The following PBLD variants were observed in gnomAD, a reference collection of about 807,000 sequenced individuals.
The protein encoded by PBLD is phenazine biosynthesis-like domain-containing protein.
PBLD carries 26 observed loss-of-function variants against 31.3 expected under a neutral mutation model. The ratio of observed to expected loss-of-function variants is 0.83; its 90% confidence interval spans 0.61 to 1.15. The LOEUF (loss-of-function observed/expected upper bound fraction) is 1.15, where lower values mean the gene tolerates loss of function less well. PBLD is among the 50% of genes most tolerant of loss of function. PBLD has a pLI of 0.00. For synonymous variants in PBLD, 114 were observed against 129.0 expected (o/e 0.88, Z 0.79); for missense variants, 307 against 351.7 (o/e 0.87, Z 1.02).
intron 4 of PBLD, 116 bp from the exon 5 acceptor site, chr10:68,292,354 T>C (rs905976804): frequency 2.3e-6 from 2 of 879,708 alleles, no homozygotes; most frequent in East Asian, 2.5e-5. Flanking sequence ...TTTTCTATGA[T>C]GGAGCGAGGT....
At chr10:68,319,103 GAAA>G (rs2044790016) in intron 1 of PBLD, among the ~76,000 whole-genome samples, 2 of 121,586 alleles carry the variant, frequency 1.6e-5, no homozygotes, top group Admixed American at 8.7e-5. Flanking sequence ...AAGAAAGAAA[GAAA>G]GAAAGGAAAA....
intron 5 of PBLD, 39 bp downstream of exon 5, chr10:68,292,090 G>C: frequency 6.2e-7 from 1 of 1,600,966 alleles, no homozygotes; most frequent in Non-Finnish European, 8.6e-7. Flanking sequence ...AGAGCTGTCG[G>C]TTGTAGATGG....
intron 1 of PBLD, among the ~76,000 whole-genome samples, chr10:68,324,007 C>T (rs2044875035): frequency 6.6e-6 from 1 of 152,184 alleles, no homozygotes; most frequent in Admixed American, 6.5e-5. Context: ...AATCAACACA[C>T]CCGATATTCC....
chr10:68,317,047 G>T (rs1449318897), intron 1 of PBLD, among the ~76,000 whole-genome samples: 1 of 152,054 alleles, frequency 6.6e-6, no homozygotes, highest in African/African-American at 2.4e-5. Flanking sequence ...CTTGAAACCA[G>T]CAAGAGAGAC....
chr10:68,308,069 G>C (rs2044607624), intron 1 of PBLD, among the ~76,000 whole-genome samples: 1 of 151,970 alleles, frequency 6.6e-6, no homozygotes, highest in South Asian at 2.1e-4. Context: ...ATAGATCCCA[G>C]GACCCCCTGA....
At chr10:68,292,355 G>T in intron 4 of PBLD, 117 bp from the exon 5 acceptor site, 1 of 878,222 alleles carries the variant, frequency 1.1e-6, no homozygotes, top group East Asian at 2.5e-5. Flanking sequence ...TTTCTATGAT[G>T]GAGCGAGGTT....
intron 2 of PBLD, among the ~76,000 whole-genome samples, chr10:68,303,110 G>C (rs1188546617): frequency 2.0e-5 from 3 of 151,730 alleles, no homozygotes; most frequent in African/African-American, 7.3e-5. Context: ...GTTTCACTCT[G>C]TCGCCCAGGC....
chr10:68,300,216 CAGAA>C (rs1401168336), intron 2 of PBLD, among the ~76,000 whole-genome samples: 2 of 152,006 alleles, frequency 1.3e-5, no homozygotes, highest in African/African-American at 2.4e-5. Flanking sequence ...CTGAAAGAAA[CAGAA>C]AGAGAGAGAG....
intron 1 of PBLD, among the ~76,000 whole-genome samples, chr10:68,317,856 A>G (rs1239353286): frequency 6.6e-6 from 1 of 152,130 alleles, no homozygotes; most frequent in African/African-American, 2.4e-5. Context: ...TGATATGAAT[A>G]TACTTATTAC....
chr10:68,325,206 T>C (rs1048520316), intron 1 of PBLD, among the ~76,000 whole-genome samples: 14 of 152,008 alleles, frequency 9.2e-5, no homozygotes, highest in African/African-American at 2.9e-4. Context: ...ACTGTGCCAC[T>C]GCACTCCAGA....
In PBLD at chr10:68,296,773, G is replaced by T; in HGVS notation, c.184+113C>A. On this transcript the variant is annotated intron_variant, in intron 3 of 9. Coordinates refer to ENST00000358769, the MANE Select transcript of PBLD (RefSeq NM_022129.4). ...AATGCCAGCACTTCGGGAGGCTGAG[G>T]CACAATAATTGCTTGAACGCAGGAG... 4 of 912,926 alleles carry T rather than the reference G, an allele frequency of 4.4e-6. No homozygotes were observed. In the Admixed American group the frequency reaches 8.1e-5, roughly 18 times the overall value. 56.6% of individuals were successfully genotyped at this position (912,926 alleles called of 1,614,324 possible).
At chr10:68,324,477 A>G (rs1343874061) in intron 1 of PBLD, among the ~76,000 whole-genome samples, 1 of 150,528 alleles carries the variant, frequency 6.6e-6, no homozygotes, top group Non-Finnish European at 1.5e-5. Context: ...GCCCAGCCAA[A>G]TATTTCTTAA....
At chr10:68,286,558 G>A (rs2044291026) in intron 8 of PBLD, among the ~76,000 whole-genome samples, 1 of 151,348 alleles carries the variant, frequency 6.6e-6, no homozygotes, top group Non-Finnish European at 1.5e-5. Context: ...AGGCTGGTCT[G>A]AAACTCCTGG....
chr10:68,286,440 G>A (rs750123162), intron 8 of PBLD, among the ~76,000 whole-genome samples: 1 of 152,034 alleles, frequency 6.6e-6, no homozygotes, highest in Non-Finnish European at 1.5e-5. Context: ...TCTTCCCAGA[G>A]TGCATATGCA....
Position 68,292,238 on chromosome 10 carries a change from T to A in PBLD, c.284A>T (p.Lys95Ile), listed in dbSNP as rs2044369722. ...AAACGTGAGCGTGCTATTCATGTTT[T>A]CTGGCCAAAATAGGAATCAAGAAAT... is the stretch of plus-strand genomic sequence containing the variant. ...ASAAVLFHKIKNMNSTLTFVT... is the reference protein window; with the variant it reads ...ASAAVLFHKIINMNSTLTFVT... The change falls in exon 5 of 10, where the codon AAA becomes ATA. Residue 95 changes from lysine to isoleucine, a missense_variant and splice_region_variant. Transcript: ENST00000358769. The A allele has an allele frequency of 1.9e-6, 3 of 1,611,718 alleles. No individual in the cohort carries two copies. The highest frequency in any genetic ancestry group is 2.5e-6 in the Non-Finnish European group (3 of 1,178,976).
In PBLD at chr10:68,329,316, C is replaced by G. The variant is rs572940088; in HGVS notation, c.-60+3468G>C. On this transcript the variant is annotated intron_variant, in intron 1 of 9. Transcript: ENST00000358769. The stretch of plus-strand genomic sequence containing the variant: ...ACCCAAAGAAATTATGGCAAGCAAG[C>G]AAGCAAGCAAGCAGCAGTTTGGTAG... 4.6e-5 allele frequency among the ~76,000 whole-genome samples: 7 copies of G among 152,224 alleles called. No homozygotes were observed. The South Asian group carries it at 1.5e-3, about 32-fold the overall frequency.
At chr10:68,309,589 C>T (rs1208245642) in intron 1 of PBLD, among the ~76,000 whole-genome samples, 1 of 149,510 alleles carries the variant, frequency 6.7e-6, no homozygotes, top group Non-Finnish European at 1.5e-5. Context: ...GCAGGCAGAT[C>T]ACGAGGTCAG....
At chr10:68,315,445 C>T (rs112507750) in intron 1 of PBLD, among the ~76,000 whole-genome samples, 6,475 of 151,706 alleles carry the variant, frequency 0.043, 435 homozygotes, top group African/African-American at 0.15. Context: ...ATCAGCTGAG[C>T]ATGGTGGTGT....
intron 2 of PBLD, among the ~76,000 whole-genome samples, chr10:68,299,285 C>T (rs988866759): frequency 5.3e-5 from 8 of 151,706 alleles, no homozygotes; most frequent in African/African-American, 1.7e-4. Flanking sequence ...CTCTTTCTAA[C>T]GGAAATCTAC....
Sources: gnomAD v4.1 joint callset for allele counts (sites outside exome capture counted in the v4.1 genomes callset) on GRCh38, gnomAD v4.1.1 for gene constraint, MANE v1.5 for transcripts, NCBI Gene and HGNC (gene_info 2026-07-23, HGNC 2026-07-21) for gene names.